ITGAE: variants seen among roughly 807,000 people sequenced by gnomAD.
ITGAE encodes integrin alpha-E.
ITGAE carries 99 observed loss-of-function variants against 136.5 expected under a neutral mutation model. That is an observed-to-expected ratio of 0.73 (90% CI 0.62 to 0.86). ITGAE has a LOEUF of 0.86. ITGAE is among the 40% of genes least tolerant of loss of function. ITGAE has a pLI of 0.00. For missense variants in ITGAE, 1,447 were observed against 1,515.3 expected, an observed-to-expected ratio of 0.95 and a Z score of 0.75; for synonymous variants, 613 against 591.8, an observed-to-expected ratio of 1.04 and a Z score of -0.52.
At chr17:3,793,756 C>T (rs1418654949) in intron 1 of ITGAE, among the ~76,000 whole-genome samples, 3 of 152,210 alleles carry the variant, frequency 2.0e-5, no homozygotes, top group Admixed American at 6.5e-5. Context: ...ACCGTGTTAG[C>T]CGGGATGGTC....
At chr17:3,800,093 G>A (rs2053214939) in intron 1 of ITGAE, among the ~76,000 whole-genome samples, 1 of 152,098 alleles carries the variant, frequency 6.6e-6, no homozygotes, top group South Asian at 2.1e-4. Context: ...CTCCAGCCTG[G>A]GCAGCAGAGC....
Position 3,773,102 on chromosome 17 carries a change from T to C in ITGAE, c.155+4438A>G, listed in dbSNP as rs186979352. Among the ~76,000 whole-genome samples the C allele has an allele frequency of 5.6e-4, 85 of 152,232 alleles. 1 individual carries two copies. In the South Asian group the frequency reaches 8.3e-3, roughly 15 times the overall value. ...ACCTGTGCTTTCGACCAAACAACCATATCAGGGTTTCTGGGACCCTTTCCT... is the reference window on the plus strand; with the variant it reads ...ACCTGTGCTTTCGACCAAACAACCACATCAGGGTTTCTGGGACCCTTTCCT... On this transcript the variant is annotated intron_variant, in intron 2 of 30. Coordinates refer to ENST00000263087, the MANE Select transcript of ITGAE (RefSeq NM_002208.5).
intron 2 of ITGAE, among the ~76,000 whole-genome samples, chr17:3,766,503 C>T (rs2052300664): frequency 6.6e-6 from 1 of 152,098 alleles, no homozygotes; most frequent in African/African-American, 2.4e-5. Flanking sequence ...TCCAAAACTA[C>T]AAGATAATAA....
Position 3,777,568 on chromosome 17 carries a change from G to C in ITGAE, c.127C>G (p.His43Asp). The change falls in exon 2 of 31, where the codon CAC becomes GAC. Residue 43 changes from histidine (H) to aspartate (D), a missense_variant. Around this residue, in one of 3 missense-constraint regions of ITGAE, gnomAD observed 106 missense variants for 87.8 expected, o/e 1.21. Transcript: ENST00000263087. ...GAPFVLSSLL[H>D]QDPSTNQTWL... The stretch of plus-strand genomic sequence containing the variant: ...GTCTGGTTGGTGCTGGGGTCTTGGT[G>C]CAGAAGGGAGCTGAGCACGAAAGGG... The C allele has an allele frequency of 1.5e-5, 24 of 1,613,878 alleles. No homozygotes were observed. The highest frequency in any genetic ancestry group is 2.0e-5 in the Non-Finnish European group (24 of 1,179,856).
rs1293759276 is a variant in ITGAE at position 3,788,137 on chromosome 17, CTT to C, written c.35-10479_35-10478del. On this transcript the variant is annotated intron_variant, in intron 1 of 30. Coordinates refer to ENST00000263087, the MANE Select transcript of ITGAE (RefSeq NM_002208.5). ...ATTCTTTACATATTCTGAAGTTAAT[CTT>C]TTATCAATTTGTGTTGCAATTATTT... 2.7e-5 allele frequency among the ~76,000 whole-genome samples: 4 copies of C among 148,488 alleles called. 1 individual carries two copies. Among genetic ancestry groups the C allele is most frequent in the African/African-American group, 9.9e-5 (4 of 40,586 alleles).
At chr17:3,727,800 T>G (rs1310146561) in intron 26 of ITGAE, 119 bp downstream of exon 26, 1 of 704,750 alleles carries the variant, frequency 1.4e-6, no homozygotes, top group Non-Finnish European at 2.5e-6. Context: ...AATTTACTCC[T>G]AATCTTTTCC....
intron 5 of ITGAE, 77 bp from the exon 6 acceptor site, chr17:3,761,254 C>T: frequency 6.4e-7 from 1 of 1,562,078 alleles, no homozygotes; most frequent in South Asian, 1.2e-5. Flanking sequence ...CATGGTTCTG[C>T]CCTGATTCCT....
At chr17:3,795,751 G>C (rs554860235) in intron 1 of ITGAE, among the ~76,000 whole-genome samples, 1 of 152,232 alleles carries the variant, frequency 6.6e-6, no homozygotes, top group East Asian at 1.9e-4. Context: ...GCAGAGGCAC[G>C]GTGGCATGAG....
chr17:3,784,243 G>C (rs541451191), intron 1 of ITGAE: 75 of 317,820 alleles, frequency 2.4e-4, no homozygotes, highest in South Asian at 1.6e-3. Context: ...CTGGGCAACA[G>C]AGCAAGACTC....
At chr17:3,726,304 T>G in intron 26 of ITGAE, 1 of 1,613,496 alleles carries the variant, frequency 6.2e-7, no homozygotes, top group South Asian at 1.1e-5. Flanking sequence ...GCCACTGACT[T>G]GCTCTGCCAG....
intron 11 of ITGAE, 122 bp from the exon 12 acceptor site, chr17:3,755,383 T>A: frequency 8.5e-7 from 1 of 1,172,540 alleles, no homozygotes; most frequent in Non-Finnish European, 1.2e-6. Context: ...TTCGGTGGTC[T>A]AGTGCCCGCC....
chr17:3,734,196 G>C (rs985971018), intron 21 of ITGAE, among the ~76,000 whole-genome samples: 38 of 151,958 alleles, frequency 2.5e-4, no homozygotes, highest in Non-Finnish European at 4.6e-4. Flanking sequence ...TCAGCCTCCC[G>C]AGTAGCTGGG....
At chr17:3,785,549 A>AGGAAGGAAGGAAGGAC (rs1567557277) in intron 1 of ITGAE, among the ~76,000 whole-genome samples, 3 of 149,406 alleles carry the variant, frequency 2.0e-5, no homozygotes, top group South Asian at 2.1e-4. Context: ...GAAGGAAGGA[A>AGGAAGGAAGGAAGGAC]GGAAGGAAAA....
intron 1 of ITGAE, chr17:3,784,326 G>A: frequency 2.8e-6 from 1 of 352,894 alleles, no homozygotes; most frequent in Non-Finnish European, 5.4e-6. Context: ...GGATATAGAA[G>A]ATATGAACAA....
At chr17:3,792,542 AG>A (rs1222452408) in intron 1 of ITGAE, among the ~76,000 whole-genome samples, 4 of 152,248 alleles carry the variant, frequency 2.6e-5, no homozygotes, top group Non-Finnish European at 5.9e-5. Flanking sequence ...CAGGCAAAAA[AG>A]AACAGAAGGA....
intron 26 of ITGAE, chr17:3,724,257 A>G (rs1567756198): frequency 1.9e-6 from 3 of 1,592,064 alleles, no homozygotes; most frequent in Non-Finnish European, 8.5e-7. Flanking sequence ...AGCTCGCCCA[A>G]GCCTAACCGT....
intron 21 of ITGAE, among the ~76,000 whole-genome samples, chr17:3,733,045 G>A (rs776593549): frequency 3.3e-5 from 5 of 152,096 alleles, no homozygotes; most frequent in African/African-American, 4.8e-5. Context: ...GTGAAGTGGC[G>A]CGATCTCGGC....
chr17:3,724,313 C>A (rs2051152171), intron 26 of ITGAE: 1 of 1,588,156 alleles, frequency 6.3e-7, no homozygotes, highest in Non-Finnish European at 8.5e-7. Flanking sequence ...CGCAGAAGTG[C>A]AGCACACCCT....
At chr17:3,747,811 C>G (rs1168792457) in intron 17 of ITGAE, 111 bp downstream of exon 17, 2 of 668,182 alleles carry the variant, frequency 3.0e-6, no homozygotes, top group East Asian at 4.1e-5. Flanking sequence ...ACCAGGACCT[C>G]AGACCAACAC....
Sources: gnomAD v4.1 joint callset for allele counts (sites outside exome capture counted in the v4.1 genomes callset) on GRCh38, gnomAD v4.1.1 for gene constraint, gnomAD v4.1.1 regional missense constraint, MANE v1.5 for transcripts, NCBI Gene and HGNC (gene_info 2026-07-23, HGNC 2026-07-21) for gene names.